Variants in EHMT1 observed in about 807,000 individuals in gnomAD.
EHMT1 encodes histone-lysine N-methyltransferase EHMT1.
In EHMT1, 15 loss-of-function variants were observed where a neutral mutation model predicts 147.2. The ratio of observed to expected loss-of-function variants is 0.10; its 90% CI spans 0.07 to 0.16. EHMT1 has a LOEUF of 0.16. EHMT1 is among the 10% of genes least tolerant of loss of function. EHMT1 has a pLI of 1.00. For synonymous variants in EHMT1, 795 were observed against 709.6 expected, an observed-to-expected ratio of 1.12 and a Z score of -1.91; for missense variants, 1,587 against 1,772.4, an observed-to-expected ratio of 0.90 and a Z score of 1.88.
chr9:137,662,551 G>A (rs772806599), intron 1 of EHMT1, among the ~76,000 whole-genome samples: 1 of 152,094 alleles, frequency 6.6e-6, no homozygotes, highest in Middle Eastern at 3.2e-3. Flanking sequence ...CCAGGCTGTA[G>A]TGTAGTGGCA....
chr9:137,816,191 C>T lies in EHMT1; in HGVS notation c.3374+129C>T, dbSNP rs76170646. ...GCACATGTGTGTTTGCAGATAGAGC[C>T]GACAAGTTACCTGAGCCCTTTATCC... is the stretch of plus-strand genomic sequence containing the variant. On this transcript the variant is annotated intron_variant, in intron 23 of 26. Coordinates refer to ENST00000460843, the MANE Select transcript of EHMT1 (RefSeq NM_024757.5). The T allele has an allele frequency of 2.7e-3, 2,197 of 821,268 alleles. 25 individuals are homozygous for T. In the African/African-American group the frequency reaches 0.03, roughly 11 times the overall value. 50.9% of individuals were successfully genotyped at this position (821,268 alleles called of 1,614,324 possible).
intron 9 of EHMT1, among the ~76,000 whole-genome samples, chr9:137,759,280 A>G (rs1036732044): frequency 1.3e-5 from 2 of 152,178 alleles, no homozygotes; most frequent in Non-Finnish European, 2.9e-5. Flanking sequence ...TGGTCACCCC[A>G]TGCTTTCCGA....
intron 24 of EHMT1, 125 bp downstream of exon 24, chr9:137,817,650 G>T: frequency 7.9e-7 from 1 of 1,259,320 alleles, no homozygotes; most frequent in Non-Finnish European, 1.1e-6. Context: ...GCGTGGGGTG[G>T]GGGCCACAGA....
chr9:137,762,970 T>C, intron 10 of EHMT1, 150 bp downstream of exon 10: 1 of 972,304 alleles, frequency 1.0e-6, no homozygotes, highest in Non-Finnish European at 1.6e-6. Context: ...ATCGAGCAGA[T>C]CCCAACAGTG....
chr9:137,800,715 G>A, intron 17 of EHMT1, 165 bp from the exon 18 acceptor site: 1 of 647,604 alleles, frequency 1.5e-6, no homozygotes, highest in Non-Finnish European at 2.8e-6. Context: ...GCTGTGCTCT[G>A]AGGAAGAACT....
intron 26 of EHMT1, 62 bp downstream of exon 26, chr9:137,834,586 C>G: frequency 6.2e-7 from 1 of 1,601,972 alleles, no homozygotes; most frequent in South Asian, 1.1e-5. Context: ...AGGAACGGGG[C>G]TCGCATTGCT....
At chr9:137,663,556 C>T (rs1939308927) in intron 1 of EHMT1, among the ~76,000 whole-genome samples, 1 of 152,180 alleles carries the variant, frequency 6.6e-6, no homozygotes, top group Admixed American at 6.5e-5. Flanking sequence ...CTTCCCATCT[C>T]CGTTTCTGCT....
intron 1 of EHMT1, chr9:137,620,033 C>T (rs1412529944): frequency 6.6e-6 from 1 of 152,126 alleles, no homozygotes; most frequent in East Asian, 1.9e-4. Flanking sequence ...CGTACAGTAT[C>T]CTGGTGCATA....
At chr9:137,662,604 AC>A (rs1031051827) in intron 1 of EHMT1, among the ~76,000 whole-genome samples, 5 of 151,676 alleles carry the variant, frequency 3.3e-5, no homozygotes, top group Non-Finnish European at 5.9e-5. Context: ...GGTTCAAGCA[AC>A]TCTCCTGCCT....
At chr9:137,670,741 G>A (rs975881967) in intron 1 of EHMT1, among the ~76,000 whole-genome samples, 3 of 152,292 alleles carry the variant, frequency 2.0e-5, no homozygotes, top group South Asian at 4.1e-4. Context: ...CTGTCTGCGC[G>A]TCTTCCTCGT....
chr9:137,643,872 G>C (rs542672856), intron 1 of EHMT1, among the ~76,000 whole-genome samples: 11 of 152,254 alleles, frequency 7.2e-5, no homozygotes, highest in African/African-American at 2.2e-4. Flanking sequence ...TAATTTTTTT[G>C]ACTTGACTGC....
At chr9:137,738,091 G>A (rs1416010853) in intron 4 of EHMT1, among the ~76,000 whole-genome samples, 4 of 152,080 alleles carry the variant, frequency 2.6e-5, no homozygotes, top group Non-Finnish European at 1.5e-5. Context: ...GTACTTGGGA[G>A]GCTGAGGCAG....
Position 137,835,540 on chromosome 9 carries a change from A to G in EHMT1, c.*587A>G, listed in dbSNP as rs986957561. The G allele has an allele frequency of 1.3e-5, 2 of 152,506 alleles. No individual in the cohort carries two copies. Among genetic ancestry groups the G allele is most frequent in the Non-Finnish European group, 2.9e-5 (2 of 67,940 alleles). The allele number at this position is 152,506 out of a possible 1,614,324, so 9.4% of individuals were successfully genotyped here. On this transcript the variant is annotated 3_prime_UTR_variant, in exon 27 of 27. Coordinates refer to ENST00000460843, the MANE Select transcript of EHMT1 (RefSeq NM_024757.5). ...TGGGTTTGCTTTTTAAAGGAATCCT[A>G]TATCTAGTCCTATATATCAAACCTC...
chr9:137,834,962 C>G lies in EHMT1; in HGVS notation c.*9C>G, dbSNP rs1191881354. The G allele has an allele frequency of 1.4e-6, 2 of 1,411,098 alleles. No individual in the cohort carries two copies. Among genetic ancestry groups the G allele is most frequent in the Admixed American group, 3.4e-5 (1 of 29,676 alleles). 87.4% of individuals were successfully genotyped at this position (1,411,098 alleles called of 1,614,324 possible). A position where few individuals can be genotyped will look rare whatever the true frequency, so the allele number is the denominator to read the frequency against. ...CCGCCGACCCCCTATGAGACGCCGCCGGCCAGCGGGGCGCTCGGGAGCCAG... is the reference window on the plus strand; with the variant it reads ...CCGCCGACCCCCTATGAGACGCCGCGGGCCAGCGGGGCGCTCGGGAGCCAG... On this transcript the variant is annotated 3_prime_UTR_variant, in exon 27 of 27. Transcript: ENST00000460843.
intron 14 of EHMT1, among the ~76,000 whole-genome samples, 196 bp downstream of exon 14, chr9:137,779,913 G>T (rs188344765): frequency 1.3e-5 from 2 of 152,216 alleles, no homozygotes; most frequent in African/African-American, 2.4e-5. Context: ...ATCCAGTTAC[G>T]CAAGATATTA....
chr9:137,745,487 A>T, intron 6 of EHMT1: 1 of 398,630 alleles, frequency 2.5e-6, no homozygotes, highest in Non-Finnish European at 4.4e-6. Context: ...ATGAGGAAGA[A>T]AACACAGCAT....
At chr9:137,717,992 C>T (rs1385900244) in intron 3 of EHMT1, among the ~76,000 whole-genome samples, 1 of 152,204 alleles carries the variant, frequency 6.6e-6, no homozygotes, top group Non-Finnish European at 1.5e-5. Flanking sequence ...ATCCTGAGCG[C>T]TTCACACACA....
chr9:137,705,406 G>A (rs1261103699), intron 1 of EHMT1, among the ~76,000 whole-genome samples: 1 of 152,198 alleles, frequency 6.6e-6, no homozygotes, highest in Non-Finnish European at 1.5e-5. Context: ...GGTTTTTCTG[G>A]ACTTGAGATA....
chr9:137,721,012 GGCGTCCTCGCCA>G (rs71387860), intron 3 of EHMT1, among the ~76,000 whole-genome samples: 44,579 of 151,726 alleles, frequency 0.29, 7,496 homozygotes, highest in Admixed American at 0.44. Flanking sequence ...CCTCCTCGCC[GGCGTCCTCGCCA>G]GCGTTAGCTC....
Sources: allele counts gnomAD v4.1 joint callset (sites outside exome capture counted in the v4.1 genomes callset), GRCh38; gene constraint gnomAD v4.1.1; transcripts MANE v1.5; gene names NCBI Gene and HGNC (gene_info 2026-07-23, HGNC 2026-07-21).